The following EXOC4 variants were observed in gnomAD, a reference collection of about 807,000 sequenced individuals.
EXOC4 encodes exocyst complex component 4, also known as SEC8-like 1.
A neutral mutation model predicts 107.2 loss-of-function variants in EXOC4; 71 were observed. The ratio of observed to expected loss-of-function variants is 0.66; its 90% confidence interval spans 0.55 to 0.81. The LOEUF is 0.81. Among genes scored for constraint, EXOC4 ranks in the 30% least tolerant of loss-of-function variants. The pLI is 0.00. For missense variants in EXOC4, 1,108 were observed against 1,189.6 expected, an observed-to-expected ratio of 0.93 and a Z score of 1.01; for synonymous variants, 456 against 441.2, an observed-to-expected ratio of 1.03 and a Z score of -0.42.
chr7:133,324,546 C>T (rs1180322780), intron 5 of EXOC4, among the ~76,000 whole-genome samples: 1 of 152,156 alleles, frequency 6.6e-6, no homozygotes, highest in African/African-American at 2.4e-5. Context: ...ATCCTGAGTT[C>T]TAATTCGATT....
chr7:133,327,006 C>A (rs989007476), intron 5 of EXOC4, among the ~76,000 whole-genome samples: 3 of 152,206 alleles, frequency 2.0e-5, no homozygotes, highest in African/African-American at 4.8e-5. Context: ...ACTCTCCAAG[C>A]CAGGCGTGGG....
chr7:133,417,169 A>C (rs1280989859), intron 7 of EXOC4, among the ~76,000 whole-genome samples: 1 of 152,152 alleles, frequency 6.6e-6, no homozygotes, highest in African/African-American at 2.4e-5. Flanking sequence ...AATTTCCTTA[A>C]TTGTTTGAAC....
chr7:133,660,177 ATT>A (rs34121830), intron 10 of EXOC4, among the ~76,000 whole-genome samples: 2 of 148,500 alleles, frequency 1.3e-5, no homozygotes, highest in Non-Finnish European at 1.5e-5. Flanking sequence ...GTTTTCATTA[ATT>A]TTTTTTTTTT....
the EXOC4 span, among the ~76,000 whole-genome samples, chr7:134,100,113 A>T: frequency 6.6e-6 from 1 of 152,206 alleles, no homozygotes; most frequent in East Asian, 1.9e-4. Flanking sequence ...TCTTGCTGAT[A>T]TGTCTTTTTG....
At chr7:134,036,955 GC>G (rs1795404374) in intron 17 of EXOC4, among the ~76,000 whole-genome samples, 1 of 152,092 alleles carries the variant, frequency 6.6e-6, no homozygotes, top group Admixed American at 6.6e-5. Flanking sequence ...CAAGTAAAAT[GC>G]CCAGTACAAA....
intron 10 of EXOC4, among the ~76,000 whole-genome samples, chr7:133,640,870 C>CT (rs1226721840): frequency 2.9e-5 from 3 of 102,628 alleles, no homozygotes; most frequent in African/African-American, 1.1e-4. Flanking sequence ...CTCTCTCTCT[C>CT]TCTTTTTTTT....
At position 134,026,203 on chromosome 7, in the gene EXOC4, A is replaced by C. The variant is rs1795132877; in HGVS notation, c.2687+18368A>C. Among the ~76,000 whole-genome samples the C allele has an allele frequency of 3.3e-5, 5 of 150,986 alleles. No homozygotes were observed. In the South Asian group the frequency reaches 1.1e-3, roughly 32 times the overall value. ...CAAGATCGCTTCTTTTCTTCCTCCA[A>C]CTCCTGCTTCTATTTGCATCTGCTT... On this transcript the variant is annotated intron_variant, in intron 17 of 17. Transcript: ENST00000253861.
At chr7:133,437,217 A>G (rs1478486504) in intron 7 of EXOC4, among the ~76,000 whole-genome samples, 1 of 152,084 alleles carries the variant, frequency 6.6e-6, no homozygotes, top group African/African-American at 2.4e-5. Context: ...CAAATTTACT[A>G]TATTTGTGTT....
At chr7:133,637,766 G>T (rs1325026413) in intron 10 of EXOC4, among the ~76,000 whole-genome samples, 1 of 152,132 alleles carries the variant, frequency 6.6e-6, no homozygotes, top group South Asian at 2.1e-4. Context: ...AATGTTAAAT[G>T]CTATAAACCT....
chr7:133,621,680 AT>A (rs1214808924), intron 9 of EXOC4, among the ~76,000 whole-genome samples: 1 of 152,196 alleles, frequency 6.6e-6, no homozygotes, highest in African/African-American at 2.4e-5. Flanking sequence ...GACCAAAAGG[AT>A]CTTTCCTTTC....
chr7:133,383,161 G>A (rs777454293), intron 7 of EXOC4, among the ~76,000 whole-genome samples: 4 of 152,088 alleles, frequency 2.6e-5, no homozygotes, highest in Admixed American at 6.6e-5. Flanking sequence ...AAAAGACTGA[G>A]GTACACTAGA....
chr7:133,254,763 G>A (rs1794976006), intron 1 of EXOC4, among the ~76,000 whole-genome samples: 1 of 152,200 alleles, frequency 6.6e-6, no homozygotes, highest in Admixed American at 6.5e-5. Context: ...CTACGAGAGA[G>A]ACATGAAATG....
chr7:133,448,831 G>T (rs750347913), intron 7 of EXOC4, among the ~76,000 whole-genome samples: 1 of 152,146 alleles, frequency 6.6e-6, no homozygotes, highest in Non-Finnish European at 1.5e-5. Context: ...TAGGCCAGGC[G>T]TGGTGGCTCA....
intron 16 of EXOC4, among the ~76,000 whole-genome samples, chr7:134,007,057 CT>C (rs1305393847): frequency 6.6e-6 from 1 of 152,168 alleles, no homozygotes; most frequent in Non-Finnish European, 1.5e-5. Flanking sequence ...TTCCTTCACC[CT>C]TTTTTCTAAT....
chr7:133,853,826 C>T (rs965505682), intron 11 of EXOC4, among the ~76,000 whole-genome samples: 1 of 152,102 alleles, frequency 6.6e-6, no homozygotes, highest in Non-Finnish European at 1.5e-5. Context: ...AGATTAAACC[C>T]GAGAAGAACT....
chr7:133,912,399 T>C (rs1229204609), intron 12 of EXOC4, among the ~76,000 whole-genome samples: 1 of 152,144 alleles, frequency 6.6e-6, no homozygotes, highest in Non-Finnish European at 1.5e-5. Context: ...CTATTTTACA[T>C]TGGGGTTTTT....
intron 12 of EXOC4, among the ~76,000 whole-genome samples, chr7:133,904,661 A>C (rs1271694121): frequency 2.6e-5 from 4 of 152,114 alleles, no homozygotes; most frequent in African/African-American, 7.2e-5. Context: ...ACCTGGGTTA[A>C]ATTTTTCTCA....
the EXOC4 span, among the ~76,000 whole-genome samples, chr7:134,093,300 A>G: frequency 6.6e-6 from 1 of 152,202 alleles, no homozygotes; most frequent in Non-Finnish European, 1.5e-5. Context: ...CAGAGTTAAA[A>G]CCAACAACAG....
intron 6 of EXOC4, among the ~76,000 whole-genome samples, chr7:133,365,740 C>T (rs1796236407): frequency 6.6e-6 from 1 of 152,066 alleles, no homozygotes; most frequent in Non-Finnish European, 1.5e-5. Context: ...TAAATGGGCT[C>T]CATGTCCTAT....
Sources: allele counts gnomAD v4.1 joint callset (sites outside exome capture counted in the v4.1 genomes callset), GRCh38; gene constraint gnomAD v4.1.1; transcripts MANE v1.5; gene names NCBI Gene and HGNC (gene_info 2026-07-23, HGNC 2026-07-21).